The following VPS13B variants were observed in gnomAD, a reference collection of about 807,000 sequenced individuals.
The protein encoded by VPS13B is intermembrane lipid transfer protein VPS13B.
VPS13B carries 285 observed loss-of-function variants against 426.4 expected under a neutral mutation model. That is an observed-to-expected ratio of 0.67 (90% CI 0.61 to 0.74). The LOEUF (loss-of-function observed/expected upper bound fraction) is 0.74. VPS13B is among the 30% of genes least tolerant of loss of function. VPS13B has a pLI of 0.00. For missense variants in VPS13B, 4,537 were observed against 4,782.6 expected, an observed-to-expected ratio of 0.95 and a Z score of 1.51; for synonymous variants, 1,676 against 1,676.4, an observed-to-expected ratio of 1.00 and a Z score of 0.01.
At chr8:99,187,015 A>AG (rs1282142454) in intron 16 of VPS13B, among the ~76,000 whole-genome samples, 2 of 152,292 alleles carry the variant, frequency 1.3e-5, no homozygotes, top group East Asian at 1.9e-4. Flanking sequence ...TGTAAAAAAA[A>AG]TGAATCCCAT....
chr8:99,271,737 A>G (rs1274792276), intron 17 of VPS13B, among the ~76,000 whole-genome samples: 2 of 152,146 alleles, frequency 1.3e-5, no homozygotes, highest in Admixed American at 1.3e-4. Flanking sequence ...CAGGAGAGAG[A>G]ATTGCCAACG....
chr8:99,809,640 C>CT, intron 44 of VPS13B, 110 bp downstream of exon 44: 1 of 1,276,884 alleles, frequency 7.8e-7, no homozygotes, highest in South Asian at 1.3e-5. Context: ...CTAGTTATAT[C>CT]TACTACTACC....
intron 39 of VPS13B, among the ~76,000 whole-genome samples, chr8:99,743,266 G>A (rs1809862050): frequency 6.6e-6 from 1 of 151,882 alleles, no homozygotes; most frequent in Admixed American, 6.6e-5. Context: ...AACTTACAAG[G>A]GACATGAAGG....
At chr8:99,289,088 A>G in intron 19 of VPS13B, among the ~76,000 whole-genome samples, 1 of 152,038 alleles carries the variant, frequency 6.6e-6, no homozygotes, top group Non-Finnish European at 1.5e-5. Flanking sequence ...GGAAGGAAAG[A>G]AAGAAAGAAA....
intron 21 of VPS13B, among the ~76,000 whole-genome samples, chr8:99,413,035 C>T (rs1201156848): frequency 6.6e-6 from 1 of 151,956 alleles, no homozygotes; most frequent in Non-Finnish European, 1.5e-5. Context: ...TTTGTTGTGT[C>T]TCTGTAGGTT....
chr8:99,703,020 A>C (rs1185065481), intron 36 of VPS13B, among the ~76,000 whole-genome samples: 1 of 152,164 alleles, frequency 6.6e-6, no homozygotes, highest in Non-Finnish European at 1.5e-5. Context: ...AAACTGTCAT[A>C]AGCTTACAGG....
chr8:99,499,376 C>T (rs1424724758), intron 25 of VPS13B, among the ~76,000 whole-genome samples: 1 of 152,088 alleles, frequency 6.6e-6, no homozygotes, highest in Admixed American at 6.5e-5. Flanking sequence ...AGCATTCTTA[C>T]CAAGTATACC....
intron 33 of VPS13B, among the ~76,000 whole-genome samples, chr8:99,585,166 G>A (rs1826243641): frequency 6.6e-6 from 1 of 152,030 alleles, no homozygotes; most frequent in African/African-American, 2.4e-5. Context: ...TTTTTTGGTA[G>A]GACAGTGAAA....
intron 35 of VPS13B, among the ~76,000 whole-genome samples, chr8:99,693,130 G>A (rs1831765365): frequency 6.8e-6 from 1 of 146,626 alleles, no homozygotes; most frequent in South Asian, 2.1e-4. Flanking sequence ...GGAGGAACTG[G>A]TACCATTCCT....
At chr8:99,059,907 AT>A (rs200571261) in intron 3 of VPS13B, among the ~76,000 whole-genome samples, 3 of 149,310 alleles carry the variant, frequency 2.0e-5, no homozygotes, top group South Asian at 2.1e-4. Context: ...TAATTTTTGT[AT>A]TTTTTTTCGT....
At chr8:99,811,999 A>G (rs1563485718) in intron 44 of VPS13B, among the ~76,000 whole-genome samples, 2 of 152,318 alleles carry the variant, frequency 1.3e-5, no homozygotes, top group East Asian at 3.9e-4. Flanking sequence ...TCTTGAATAG[A>G]TACTATATAT....
chr8:99,360,130 CTTTCTT>C (rs1812426970), intron 19 of VPS13B, among the ~76,000 whole-genome samples: 1 of 19,854 alleles, frequency 5.0e-5, no homozygotes, highest in African/African-American at 2.5e-4. Flanking sequence ...ATCTTTCTTT[CTTTCTT>C]TCTTTCTTTC....
intron 19 of VPS13B, among the ~76,000 whole-genome samples, chr8:99,352,837 A>G (rs1647698934): frequency 6.6e-6 from 1 of 151,968 alleles, no homozygotes; most frequent in African/African-American, 2.4e-5. Context: ...AAAAAAAACA[A>G]ACAAACAAAC....
intron 15 of VPS13B, among the ~76,000 whole-genome samples, chr8:99,160,456 C>T (rs531684926): frequency 1.3e-4 from 19 of 151,992 alleles, no homozygotes; most frequent in Admixed American, 4.6e-4. Context: ...CCCAGGAGGT[C>T]GAGACCCCCC....
Position 99,778,989 on chromosome 8 carries a change from T to C in VPS13B, c.7737T>C (p.His2579=), listed in dbSNP as rs147593451. The change falls in exon 42 of 62, where the codon CAT becomes CAC. Residue 2579 remains histidine (H), a synonymous_variant. Transcript: ENST00000357162. ...CTGTATTTGTAAACCTTGGACAGCA[T>C]GTAGTCCATTCACTAAACACTGCAA... The part of the protein sequence containing the change: ...VDSVFVNLGQ[H]VVHSLNTAIQ... 6.2e-7 allele frequency: 1 copy of C among 1,613,714 alleles called. No homozygotes were observed. The highest frequency in any genetic ancestry group is 1.3e-5 in the African/African-American group (1 of 74,918).
intron 19 of VPS13B, among the ~76,000 whole-genome samples, chr8:99,356,322 A>G (rs1812179147): frequency 1.3e-5 from 2 of 152,098 alleles, no homozygotes; most frequent in Admixed American, 1.3e-4. Flanking sequence ...ATTCTCTCCT[A>G]CCACCCTAAA....
chr8:99,526,168 A>G (rs188875173), intron 30 of VPS13B, among the ~76,000 whole-genome samples: 3 of 152,304 alleles, frequency 2.0e-5, no homozygotes, highest in South Asian at 2.1e-4. Context: ...GGTTAAATAT[A>G]CGTTTGAAAA....
chr8:99,706,830 ACTGTGGAAAAATAAAAGAT>A (rs951961639), intron 36 of VPS13B, among the ~76,000 whole-genome samples: 10 of 152,148 alleles, frequency 6.6e-5, no homozygotes, highest in Admixed American at 5.2e-4. Flanking sequence ...CAACCCAAGG[ACTGTGGAAAAATAAAAGAT>A]TAGAAGTAAA....
chr8:99,755,998 T>C (rs1394477101), intron 39 of VPS13B, among the ~76,000 whole-genome samples: 1 of 151,922 alleles, frequency 6.6e-6, no homozygotes, highest in Non-Finnish European at 1.5e-5. Context: ...TCAATAGAAA[T>C]TGTCCCTGAG....
Sources: allele counts gnomAD v4.1 joint callset (sites outside exome capture counted in the v4.1 genomes callset), GRCh38; gene constraint gnomAD v4.1.1; transcripts MANE v1.5; gene names NCBI Gene and HGNC (gene_info 2026-07-23, HGNC 2026-07-21).